Variants in ASTN1 observed in about 807,000 individuals in gnomAD.
The protein encoded by ASTN1 is astrotactin-1.
Under a neutral mutation model 140.7 loss-of-function variants are expected in ASTN1, and 41 were observed. That is an observed-to-expected ratio of 0.29 (90% CI 0.23 to 0.38). ASTN1 has a LOEUF of 0.38. Among genes scored for constraint, ASTN1 ranks in the 10% least tolerant of loss-of-function variants. ASTN1 has a pLI of 1.00. For missense variants in ASTN1, 1,479 were observed against 1,678.8 expected, an observed-to-expected ratio of 0.88 and a Z score of 2.08; for synonymous variants, 640 against 652.2, an observed-to-expected ratio of 0.98 and a Z score of 0.29.
chr1:177,115,523 A>G (rs184739661), intron 1 of ASTN1, among the ~76,000 whole-genome samples: 99 of 151,998 alleles, frequency 6.5e-4, no homozygotes, highest in African/African-American at 2.2e-3. Flanking sequence ...CAGGTGTGCT[A>G]GTGCACGCCT....
intron 21 of ASTN1, among the ~76,000 whole-genome samples, chr1:176,873,899 C>A (rs1361142050): frequency 6.6e-6 from 1 of 152,106 alleles, no homozygotes; most frequent in Non-Finnish European, 1.5e-5. Context: ...CCGAAGGAGC[C>A]CCGCATGGAA....
At chr1:176,935,035 C>T (rs751504761) in intron 15 of ASTN1, among the ~76,000 whole-genome samples, 5 of 152,176 alleles carry the variant, frequency 3.3e-5, no homozygotes, top group Admixed American at 6.5e-5. Flanking sequence ...TCCCCCAACC[C>T]TGCAGGCAAA....
At chr1:176,963,126 A>G (rs531172012) in intron 9 of ASTN1, among the ~76,000 whole-genome samples, 1 of 152,224 alleles carries the variant, frequency 6.6e-6, no homozygotes, top group Non-Finnish European at 1.5e-5. Flanking sequence ...TAAGAACAAA[A>G]GGTTCTCTAG....
intron 17 of ASTN1, among the ~76,000 whole-genome samples, chr1:176,892,848 A>G (rs986185789): frequency 1.3e-5 from 2 of 152,240 alleles, no homozygotes; most frequent in Admixed American, 1.3e-4. Context: ...AGAAAAACAG[A>G]ACAGCGGATG....
chr1:177,157,912 C>T (rs1571864224), intron 1 of ASTN1, among the ~76,000 whole-genome samples: 1 of 151,972 alleles, frequency 6.6e-6, no homozygotes, highest in East Asian at 1.9e-4. Flanking sequence ...GTGAGATTTA[C>T]CCACATTGAT....
In ASTN1 at chr1:177,105,656, A is replaced by C. The variant is rs564398439; in HGVS notation, c.284-44391T>G. On this transcript the variant is annotated intron_variant, in intron 1 of 22. Transcript: ENST00000361833. ...ATATGGCTTCATGGAAAAAAAAAAA[A>C]CCTCACATTTATGCAGAAAATAGAA... Among the ~76,000 whole-genome samples the C allele has an allele frequency of 5.9e-5, 9 of 151,676 alleles. No homozygotes were observed. In the South Asian group the frequency reaches 6.3e-4, roughly 11 times the overall value.
rs777492856 is a variant in ASTN1 at position 176,965,257 on chromosome 1, T to C, written c.1524-20A>G. ...CATGGCCTAAAAGAAGAAACATCAT[T>C]CAATTAAATTCAACTCAACAAATAC... On this transcript the variant is annotated intron_variant, in intron 8 of 22. Transcript: ENST00000361833. 1 of 1,611,744 alleles carries C rather than the reference T, an allele frequency of 6.2e-7. No homozygotes were observed. Among genetic ancestry groups the C allele is most frequent in the East Asian group, 2.2e-5 (1 of 44,822 alleles).
At chr1:177,089,499 A>G (rs1015975025) in intron 1 of ASTN1, among the ~76,000 whole-genome samples, 33 of 152,142 alleles carry the variant, frequency 2.2e-4, no homozygotes, top group African/African-American at 7.7e-4. Flanking sequence ...AAATAAGATC[A>G]ACGTTTGCTT....
chr1:177,096,160 T>A (rs1462249118), intron 1 of ASTN1, among the ~76,000 whole-genome samples: 2 of 152,236 alleles, frequency 1.3e-5, no homozygotes, highest in Non-Finnish European at 2.9e-5. Context: ...ATAACTTGTT[T>A]GATTTCACAG....
chr1:176,874,969 G>A (rs945337589), intron 21 of ASTN1, among the ~76,000 whole-genome samples: 12 of 152,146 alleles, frequency 7.9e-5, no homozygotes, highest in African/African-American at 2.9e-4. Context: ...CCTAACAGTG[G>A]ACAAAAACAG....
intron 13 of ASTN1, among the ~76,000 whole-genome samples, chr1:176,945,175 G>T (rs187640468): frequency 6.6e-6 from 1 of 151,968 alleles, no homozygotes; most frequent in Non-Finnish European, 1.5e-5. Flanking sequence ...TAAATCAATG[G>T]TTTGAAACAT....
intron 1 of ASTN1, among the ~76,000 whole-genome samples, chr1:177,120,002 A>G (rs1386857727): frequency 2.0e-5 from 3 of 152,112 alleles, no homozygotes; most frequent in Non-Finnish European, 4.4e-5. Context: ...CAGGCTCAGG[A>G]ACTTGATAAA....
intron 8 of ASTN1, among the ~76,000 whole-genome samples, chr1:177,001,584 A>G (rs1415650936): frequency 6.6e-6 from 1 of 152,230 alleles, no homozygotes; most frequent in Non-Finnish European, 1.5e-5. Context: ...ATGAAATGAG[A>G]TTTGAATCCA....
At position 176,962,075 on chromosome 1, in the gene ASTN1, C is replaced by T. The variant is rs140424748; in HGVS notation, c.1598+3088G>A. Among the ~76,000 whole-genome samples, 126 of 152,312 alleles carry T rather than the reference C, an allele frequency of 8.3e-4. 1 individual carries two copies. The East Asian group carries it at 0.019, about 23-fold the overall frequency. Reference sequence around the variant, plus strand: ...TCAATTGCTCTTGACCTGGCATCTCCACGCTTCCTCAGAGCAGGCTATTCC... The same window carrying T: ...TCAATTGCTCTTGACCTGGCATCTCTACGCTTCCTCAGAGCAGGCTATTCC... On this transcript the variant is annotated intron_variant, in intron 9 of 22. Transcript: ENST00000361833.
intron 21 of ASTN1, among the ~76,000 whole-genome samples, chr1:176,869,519 T>C (rs1261828308): frequency 2.0e-5 from 3 of 151,844 alleles, no homozygotes; most frequent in Admixed American, 6.6e-5. Context: ...GGAGCGAAGA[T>C]AAAGGGAAAT....
At chr1:177,112,800 CCTT>C (rs1680884879) in intron 1 of ASTN1, among the ~76,000 whole-genome samples, 1 of 152,174 alleles carries the variant, frequency 6.6e-6, no homozygotes. Flanking sequence ...AGCCCAGAAT[CCTT>C]CTCTGTTTCC....
intron 8 of ASTN1, among the ~76,000 whole-genome samples, chr1:176,998,733 G>A (rs1426443258): frequency 3.3e-5 from 5 of 152,182 alleles, no homozygotes. Context: ...GATGTGAGAG[G>A]GAGAGCAAGA....
intron 5 of ASTN1, 82 bp from the exon 6 acceptor site, chr1:177,024,814 T>A: frequency 1.3e-6 from 2 of 1,485,512 alleles, no homozygotes; most frequent in Admixed American, 3.7e-5. Context: ...CCAATCATCC[T>A]GGCAAACAGG....
intron 16 of ASTN1, among the ~76,000 whole-genome samples, chr1:176,898,957 AGGTGCC>A (rs1669642454): frequency 6.6e-6 from 1 of 152,192 alleles, no homozygotes; most frequent in Non-Finnish European, 1.5e-5. Flanking sequence ...TAATTGACAA[AGGTGCC>A]TTTTGATAAA....
Sources: allele counts gnomAD v4.1 joint callset (sites outside exome capture counted in the v4.1 genomes callset), GRCh38; gene constraint gnomAD v4.1.1; transcripts MANE v1.5; gene names NCBI Gene and HGNC (gene_info 2026-07-23, HGNC 2026-07-21).